The following SAMMSON variants were observed in gnomAD, a reference collection of about 807,000 sequenced individuals.
SAMMSON encodes survival associated mitochondrial melanoma specific oncogenic non-coding RNA.
intron 7 of SAMMSON, among the ~76,000 whole-genome samples, chr3:70,334,876 C>G (rs1702649786): frequency 1.3e-5 from 2 of 152,076 alleles, no homozygotes. Context: ...AATGGACAAA[C>G]AAAAGAAATA....
At chr3:70,288,032 G>T (rs1280427938) in intron 6 of SAMMSON, among the ~76,000 whole-genome samples, 1 of 151,180 alleles carries the variant, frequency 6.6e-6, no homozygotes, top group African/African-American at 2.4e-5. Flanking sequence ...TTAATTTTTT[G>T]AAGGGTTTTT....
At chr3:70,212,807 A>G (rs1701364464) in intron 4 of SAMMSON, among the ~76,000 whole-genome samples, 1 of 151,072 alleles carries the variant, frequency 6.6e-6, no homozygotes, top group Admixed American at 6.6e-5. Flanking sequence ...TCTTTTTTTG[A>G]GACAGGGTCT....
intron 9 of SAMMSON, among the ~76,000 whole-genome samples, chr3:70,363,144 A>G (rs1009209181): frequency 3.3e-5 from 5 of 152,100 alleles, no homozygotes; most frequent in Non-Finnish European, 7.4e-5. Context: ...CAGAAAGCCA[A>G]CAAAACTTGC....
At chr3:70,040,578 G>T (rs975914103) in intron 3 of SAMMSON, among the ~76,000 whole-genome samples, 1 of 152,100 alleles carries the variant, frequency 6.6e-6, no homozygotes, top group African/African-American at 2.4e-5. Flanking sequence ...ATCCTGCTCC[G>T]GGAATCTAAA....
chr3:70,365,899 T>C (rs1702916069), intron 9 of SAMMSON, among the ~76,000 whole-genome samples: 1 of 151,506 alleles, frequency 6.6e-6, no homozygotes, highest in East Asian at 1.9e-4. Context: ...TATGGGTACT[T>C]ATATATTGAT....
chr3:70,006,076 A>G (rs1382956588), intron 1 of SAMMSON, among the ~76,000 whole-genome samples: 1 of 152,218 alleles, frequency 6.6e-6, no homozygotes. Flanking sequence ...ATAATCAAAC[A>G]TGCCTGAAAG....
chr3:70,319,496 A>G (rs558427560), intron 7 of SAMMSON, among the ~76,000 whole-genome samples: 93 of 152,142 alleles, frequency 6.1e-4, no homozygotes, highest in African/African-American at 2.0e-3. Context: ...TTTTACTCCT[A>G]TCTTTCCAAT....
intron 4 of SAMMSON, among the ~76,000 whole-genome samples, chr3:70,199,629 G>A (rs1701216330): frequency 6.6e-6 from 1 of 152,148 alleles, no homozygotes; most frequent in South Asian, 2.1e-4. Context: ...AGTTCTACAT[G>A]AGCAGGTAAA....
In SAMMSON at chr3:70,395,397, A is replaced by G. The variant is rs72947194; in HGVS notation, n.233+37073A>G. Reference sequence around the variant, plus strand: ...GCACTCCTGTGCCTCTAAACTGCCCATAAGAGATGTTTACTTCTACTCTGT... The same window carrying G: ...GCACTCCTGTGCCTCTAAACTGCCCGTAAGAGATGTTTACTTCTACTCTGT... On this transcript the variant is annotated intron_variant and non_coding_transcript_variant, in intron 2 of 3. Coordinates refer to the SAMMSON transcript ENST00000641053. Among the ~76,000 whole-genome samples, 802 of 139,402 alleles carry G rather than the reference A, an allele frequency of 5.8e-3. 7 individuals carry two copies. Among genetic ancestry groups the G allele is most frequent in the African/African-American group, 0.02 (748 of 36,572 alleles). The allele number at this position is 139,402 out of a possible 152,430, so 91.5% of individuals were successfully genotyped here.
intron 4 of SAMMSON, among the ~76,000 whole-genome samples, chr3:70,168,221 GTATTT>G (rs2067645716): frequency 8.1e-6 from 1 of 123,524 alleles, no homozygotes; most frequent in African/African-American, 3.2e-5. Context: ...GTGACCTTCA[GTATTT>G]CCTGGCCACA....
chr3:70,324,219 C>A (rs1200048795), intron 7 of SAMMSON, among the ~76,000 whole-genome samples: 1 of 148,998 alleles, frequency 6.7e-6, no homozygotes, highest in Non-Finnish European at 1.5e-5. Context: ...TCTATCCACA[C>A]ACACAGAAAG....
At chr3:70,111,654 T>C (rs1304503822) in intron 4 of SAMMSON, among the ~76,000 whole-genome samples, 1 of 152,142 alleles carries the variant, frequency 6.6e-6, no homozygotes, top group African/African-American at 2.4e-5. Flanking sequence ...CTTGAGCTTA[T>C]AAAGAGGATA....
chr3:70,245,074 G>T (rs968840454), intron 4 of SAMMSON, among the ~76,000 whole-genome samples: 1 of 152,110 alleles, frequency 6.6e-6, no homozygotes, highest in Admixed American at 6.6e-5. Context: ...ATTTCATTTT[G>T]AAGAGGAGAA....
At chr3:70,286,462 C>T (rs1156634904) in intron 6 of SAMMSON, among the ~76,000 whole-genome samples, 1 of 151,566 alleles carries the variant, frequency 6.6e-6, no homozygotes, top group African/African-American at 2.4e-5. Flanking sequence ...GTTACTGTAG[C>T]CTTGTAGTAT....
intron 4 of SAMMSON, among the ~76,000 whole-genome samples, chr3:70,086,208 A>G (rs913743634): frequency 6.6e-6 from 1 of 152,162 alleles, no homozygotes; most frequent in Non-Finnish European, 1.5e-5. Flanking sequence ...CTCAGGGGCC[A>G]TGGCTTGCCT....
chr3:70,296,486 C>A (rs1702289923), intron 7 of SAMMSON, among the ~76,000 whole-genome samples: 1 of 152,104 alleles, frequency 6.6e-6, no homozygotes, highest in Non-Finnish European at 1.5e-5. Flanking sequence ...CATTGGTTAA[C>A]ATAATTTTCC....
intron 7 of SAMMSON, among the ~76,000 whole-genome samples, chr3:70,342,493 A>T (rs1172464246): frequency 6.6e-6 from 1 of 152,170 alleles, no homozygotes; most frequent in Non-Finnish European, 1.5e-5. Context: ...TTTACACTAT[A>T]TTCATTCCAA....
chr3:70,290,495 G>A (rs533694194), intron 6 of SAMMSON, among the ~76,000 whole-genome samples: 2 of 152,332 alleles, frequency 1.3e-5, no homozygotes, highest in East Asian at 3.9e-4. Context: ...AGTCTGCAGA[G>A]GTTATGGCTG....
chr3:70,238,213 T>A (rs1701631659), intron 4 of SAMMSON, among the ~76,000 whole-genome samples: 1 of 151,862 alleles, frequency 6.6e-6, no homozygotes, highest in Admixed American at 6.6e-5. Flanking sequence ...CCCTGACACT[T>A]GAAATTAGCA....
Sources: gnomAD v4.1 joint callset for allele counts (sites outside exome capture counted in the v4.1 genomes callset) on GRCh38, gnomAD v4.1.1 for gene constraint, MANE v1.5 for transcripts, NCBI Gene and HGNC (gene_info 2026-07-23, HGNC 2026-07-21) for gene names.